UGGT2: variants seen among roughly 807,000 people sequenced by gnomAD.
UGGT2 encodes the protein UDP-glucose glycoprotein glucosyltransferase 2.
In UGGT2, 180 loss-of-function variants were observed where a neutral mutation model predicts 192.1. The ratio of observed to expected loss-of-function variants is 0.94; its 90% CI spans 0.83 to 1.06. UGGT2 has a LOEUF of 1.06. Ranked by LOEUF, UGGT2 falls within the 50% of genes least tolerant of loss-of-function variation. UGGT2 has a pLI of 0.00. For missense variants in UGGT2, 1,849 were observed against 1,795.7 expected (o/e 1.03, Z -0.54); for synonymous variants, 580 against 591.0 (o/e 0.98, Z 0.27).
chr13:96,018,018 T>C (rs1319852428), intron 4 of UGGT2, among the ~76,000 whole-genome samples: 2 of 152,206 alleles, frequency 1.3e-5, no homozygotes, highest in Admixed American at 6.5e-5. Flanking sequence ...GTATCATACA[T>C]AAATTGGGAG....
intron 5 of UGGT2, among the ~76,000 whole-genome samples, chr13:96,002,616 G>A (rs2051842283): frequency 6.6e-6 from 1 of 152,152 alleles, no homozygotes; most frequent in Non-Finnish European, 1.5e-5. Context: ...TAATCTTTAT[G>A]TAGATTATGC....
At chr13:95,809,099 A>C (rs2139738015) in intron 38 of UGGT2, among the ~76,000 whole-genome samples, 1 of 152,350 alleles carries the variant, frequency 6.6e-6, no homozygotes, top group African/African-American at 2.4e-5. Flanking sequence ...TTCTGGTTGT[A>C]CCCAAAAATA....
intron 36 of UGGT2, among the ~76,000 whole-genome samples, chr13:95,843,808 C>G (rs901633675): frequency 1.3e-5 from 2 of 151,972 alleles, no homozygotes; most frequent in Non-Finnish European, 2.9e-5. Context: ...GTTCTTTATT[C>G]TAATTCATGG....
intron 36 of UGGT2, among the ~76,000 whole-genome samples, 179 bp from the exon 37 acceptor site, chr13:95,837,381 A>G (rs1056956624): frequency 4.6e-5 from 7 of 152,236 alleles, no homozygotes; most frequent in Non-Finnish European, 1.0e-4. Context: ...TTGTGTCATG[A>G]ATGAATCCAT....
chr13:96,042,024 G>C (rs2053179399), intron 1 of UGGT2, among the ~76,000 whole-genome samples: 1 of 152,100 alleles, frequency 6.6e-6, no homozygotes, highest in African/African-American at 2.4e-5. Flanking sequence ...TACCACAGCT[G>C]ATGCTCTATT....
intron 10 of UGGT2, among the ~76,000 whole-genome samples, chr13:95,981,291 C>T (rs2051115238): frequency 2.7e-4 from 1 of 3,638 alleles, no homozygotes; most frequent in Non-Finnish European, 2.4e-3. Context: ...GGTGAAACCC[C>T]GCCTCTACTA....
chr13:96,047,558 G>A (rs1227375737), intron 1 of UGGT2, among the ~76,000 whole-genome samples: 1 of 152,188 alleles, frequency 6.6e-6, no homozygotes, highest in Non-Finnish European at 1.5e-5. Flanking sequence ...AAAAATCAGA[G>A]TGCCTCTTCT....
Position 95,855,106 on chromosome 13 carries a change from TAAAAAAAAAAAAAA to T in UGGT2, c.4009-645_4009-632del, listed in dbSNP as rs10713359. Among the ~76,000 whole-genome samples, 7 of 49,960 alleles carry T rather than the reference TAAAAAAAAAAAAAA, an allele frequency of 1.4e-4. No homozygotes were observed. The East Asian group carries it at 2.8e-3, about 20-fold the overall frequency. The allele number at this position is 49,960 out of a possible 152,430, so 32.8% of individuals were successfully genotyped here. On this transcript the variant is annotated intron_variant, in intron 34 of 38. Transcript: ENST00000376747. ...GGGCAACACAGTGAGACCCTGTCTG[TAAAAAAAAAAAAAA>T]AAAAAAAAAAAAAAAAATTAGCCAG...
chr13:95,931,861 C>T (rs1283811368), intron 17 of UGGT2, among the ~76,000 whole-genome samples: 4 of 152,158 alleles, frequency 2.6e-5, no homozygotes, highest in South Asian at 2.1e-4. Context: ...GCTCCGGCCT[C>T]GGACAGCCCA....
intron 38 of UGGT2, among the ~76,000 whole-genome samples, chr13:95,804,855 G>GA (rs1481259799): frequency 6.6e-6 from 1 of 151,990 alleles, no homozygotes; most frequent in Non-Finnish European, 1.5e-5. Context: ...AACACATAGG[G>GA]AAAAATCTTC....
Position 95,947,065 on chromosome 13 carries a change from A to AT in UGGT2, c.1648dup (p.Ile550AsnfsTer39), listed in dbSNP as rs1377628171. The AT allele has an allele frequency of 1.2e-6, 2 of 1,606,262 alleles. No homozygotes were observed. Among genetic ancestry groups the AT allele is most frequent in the African/African-American group, 2.7e-5 (2 of 74,568 alleles). Reference sequence around the variant, plus strand: ...TACTATAGAAATAAATGCTTCTGATATATCAAATTCTTCTGCAATATAGTT... The same window carrying AT: ...TACTATAGAAATAAATGCTTCTGATATTATCAAATTCTTCTGCAATATAGTT... On this transcript the variant is annotated frameshift_variant, in exon 15 of 39. Transcript: ENST00000376747. LOFTEE classifies it high-confidence loss of function.
intron 20 of UGGT2, among the ~76,000 whole-genome samples, chr13:95,918,744 C>T (rs2140388362): frequency 6.6e-6 from 1 of 151,674 alleles, no homozygotes; most frequent in Middle Eastern, 3.4e-3. Flanking sequence ...AGCCTACCAA[C>T]CAAAAAAAGC....
At chr13:95,839,603 G>C (rs1196467979) in intron 36 of UGGT2, among the ~76,000 whole-genome samples, 1 of 152,052 alleles carries the variant, frequency 6.6e-6, no homozygotes, top group Non-Finnish European at 1.5e-5. Flanking sequence ...ATAAACATTT[G>C]TACAAATTTT....
Position 95,990,027 on chromosome 13 carries a change from A to G in UGGT2, c.877T>C (p.Tyr293His), listed in dbSNP as rs151160778. Residue 293 changes from tyrosine (Y) to histidine (H), a missense_variant, in exon 8 of 39, where the codon TAC (tyrosine) becomes CAC (histidine). Tyr to His is a moderately conservative substitution (Grantham distance 83). Transcript: ENST00000376747. ...LRDNLTAFQK[Y>H]LIESNKQMMP... The stretch of plus-strand genomic sequence containing the variant: ...ATTTGTTTGTTACTCTCAATCAGGT[A>G]TTTTTGGAATGCTGTCAGATTATCT... The G allele has an allele frequency of 1.6e-5, 25 of 1,606,438 alleles. No homozygotes were observed. The African/African-American group carries it at 2.9e-4, about 19-fold the overall frequency.
intron 24 of UGGT2, among the ~76,000 whole-genome samples, chr13:95,891,623 T>A (rs1332001085): frequency 2.6e-5 from 4 of 152,200 alleles, no homozygotes; most frequent in African/African-American, 9.6e-5. Context: ...TAAAAGTTAA[T>A]CATGTATATT....
chr13:95,879,626 G>A (rs1012935055), intron 27 of UGGT2, among the ~76,000 whole-genome samples: 2 of 152,060 alleles, frequency 1.3e-5, no homozygotes, highest in African/African-American at 2.4e-5. Context: ...TAGTAGAGAC[G>A]GGGTTTCACC....
chr13:95,843,580 T>C (rs540553041), intron 36 of UGGT2, among the ~76,000 whole-genome samples: 1 of 152,310 alleles, frequency 6.6e-6, no homozygotes, highest in East Asian at 1.9e-4. Context: ...TTTTCTCCTA[T>C]CTTCTAAACA....
rs182015350 is a variant in UGGT2 at position 95,843,479 on chromosome 13, G to A, written c.4285-6277C>T. On this transcript the variant is annotated intron_variant, in intron 36 of 38. Coordinates refer to ENST00000376747, the MANE Select transcript of UGGT2 (RefSeq NM_020121.4). ...ATTTTATTATTAATAAGTTTTGGGA[G>A]CTCTTTGTATATTTATCAATTTTTT... 2.0e-5 allele frequency among the ~76,000 whole-genome samples: 3 copies of A among 152,112 alleles called. No individual in the cohort carries two copies. In the East Asian group the frequency reaches 5.8e-4, roughly 29 times the overall value.
chr13:95,961,186 G>GAA (rs1212936245), intron 12 of UGGT2, among the ~76,000 whole-genome samples: 3 of 151,148 alleles, frequency 2.0e-5, no homozygotes, highest in African/African-American at 7.3e-5. Flanking sequence ...GAGAGAGAGA[G>GAA]AAACAGAGAA....
Sources: allele counts gnomAD v4.1 joint callset (sites outside exome capture counted in the v4.1 genomes callset), GRCh38; gene constraint gnomAD v4.1.1; transcripts MANE v1.5; gene names NCBI Gene and HGNC (gene_info 2026-07-23, HGNC 2026-07-21).